The following RANBP17 variants were observed in gnomAD, a reference collection of about 807,000 sequenced individuals.
RANBP17 encodes RAN binding protein 17.
A neutral mutation model predicts 141.2 loss-of-function variants in RANBP17; 158 were observed. That is an observed-to-expected ratio of 1.12 (90% CI 0.98 to 1.28). The LOEUF (loss-of-function observed/expected upper bound fraction) is 1.28, where lower values mean the gene tolerates loss of function less well. RANBP17 is among the 50% of genes most tolerant of loss of function. The pLI is 0.00. For synonymous variants in RANBP17, 430 were observed against 450.0 expected (o/e 0.96, Z 0.56); for missense variants, 1,438 against 1,290.7 (o/e 1.11, Z -1.75).
chr5:171,222,269 G>A (rs75297120), intron 22 of RANBP17, among the ~76,000 whole-genome samples: 64 of 152,282 alleles, frequency 4.2e-4, no homozygotes, highest in African/African-American at 1.4e-3. Flanking sequence ...TGGGTACTGC[G>A]CCTCTAGAAG....
rs1446148940 is a variant in RANBP17, at chr5:171,111,584, A to G, written c.1711-58546A>G. ...CCATTTCTTTCAAAGTGAAACCCAGACCTCCAAGACCTAGCCCAAAACAGG... is the reference window on the plus strand; with the variant it reads ...CCATTTCTTTCAAAGTGAAACCCAGGCCTCCAAGACCTAGCCCAAAACAGG... On this transcript the variant is annotated intron_variant, in intron 14 of 27. Coordinates refer to ENST00000523189, the MANE Select transcript of RANBP17 (RefSeq NM_022897.5). Among the ~76,000 whole-genome samples, 3 of 151,902 alleles carry G rather than the reference A, an allele frequency of 2.0e-5. No individual in the cohort carries two copies. In the East Asian group the frequency reaches 5.8e-4, roughly 29 times the overall value.
chr5:171,042,115 T>C (rs1472899801), intron 14 of RANBP17, among the ~76,000 whole-genome samples: 1 of 152,156 alleles, frequency 6.6e-6, no homozygotes, highest in Admixed American at 6.6e-5. Context: ...GATATATATG[T>C]ACCACATTTT....
At chr5:171,050,939 ATG>A (rs1423694130) in intron 14 of RANBP17, among the ~76,000 whole-genome samples, 1 of 152,184 alleles carries the variant, frequency 6.6e-6, no homozygotes, top group Non-Finnish European at 1.5e-5. Flanking sequence ...GAATTAGAGA[ATG>A]TAATTCTGTA....
intron 14 of RANBP17, among the ~76,000 whole-genome samples, chr5:171,156,887 T>A (rs952476772): frequency 6.6e-6 from 1 of 152,166 alleles, no homozygotes; most frequent in African/African-American, 2.4e-5. Context: ...AGTCTTTTTT[T>A]CTCCGGGGCA....
At chr5:171,274,406 TTATC>T (rs1767367942) in intron 25 of RANBP17, among the ~76,000 whole-genome samples, 1 of 152,182 alleles carries the variant, frequency 6.6e-6, no homozygotes. Context: ...ATGAAAGTAC[TTATC>T]TATCTTTTCA....
intron 14 of RANBP17, among the ~76,000 whole-genome samples, chr5:171,053,212 A>C (rs1443221122): frequency 1.3e-5 from 2 of 151,692 alleles, no homozygotes; most frequent in African/African-American, 4.8e-5. Flanking sequence ...TTTTTTCTCA[A>C]CTTTTATTTT....
At chr5:171,212,075 C>A (rs1762929050) in intron 20 of RANBP17, among the ~76,000 whole-genome samples, 1 of 152,132 alleles carries the variant, frequency 6.6e-6, no homozygotes, top group Admixed American at 6.5e-5. Context: ...CGGGTTCCAC[C>A]ACCATACACA....
At chr5:171,254,994 A>C (rs1166755448) in intron 24 of RANBP17, among the ~76,000 whole-genome samples, 1 of 152,206 alleles carries the variant, frequency 6.6e-6, no homozygotes, top group African/African-American at 2.4e-5. Flanking sequence ...AGGGTCACTT[A>C]GGTAATTGGG....
intron 25 of RANBP17, among the ~76,000 whole-genome samples, chr5:171,274,164 G>GCA (rs1767350484): frequency 2.8e-5 from 4 of 140,852 alleles, no homozygotes; most frequent in East Asian, 2.1e-4. Context: ...GCGCGCGCGC[G>GCA]TGCGCAAAAT....
At chr5:171,183,650 T>G (rs1012300908) in intron 18 of RANBP17, among the ~76,000 whole-genome samples, 4 of 152,248 alleles carry the variant, frequency 2.6e-5, no homozygotes, top group Admixed American at 2.6e-4. Context: ...ACATAACACT[T>G]GCACTGATTT....
At chr5:171,149,568 G>T (rs147746545) in intron 14 of RANBP17, among the ~76,000 whole-genome samples, 125 of 152,284 alleles carry the variant, frequency 8.2e-4, no homozygotes, top group African/African-American at 2.3e-3. Flanking sequence ...GTAAAGACAC[G>T]CTATGATTGC....
chr5:170,903,764 C>T (rs769242982), intron 5 of RANBP17: 60 of 337,198 alleles, frequency 1.8e-4, no homozygotes, highest in Non-Finnish European at 3.2e-4. Context: ...CAACTGTAGA[C>T]GACTTCAAGT....
intron 21 of RANBP17, among the ~76,000 whole-genome samples, chr5:171,219,959 G>A (rs900131501): frequency 6.6e-6 from 1 of 151,994 alleles, no homozygotes; most frequent in South Asian, 2.1e-4. Context: ...TGATCATTTG[G>A]AGGAGAAGAG....
At chr5:170,888,830 G>A (rs1769369928) in intron 3 of RANBP17, among the ~76,000 whole-genome samples, 2 of 152,046 alleles carry the variant, frequency 1.3e-5, no homozygotes, top group Admixed American at 1.3e-4. Context: ...TTAGCTGTAG[G>A]TTTTTTGTAG....
At chr5:171,015,118 G>A (rs1417611715) in intron 14 of RANBP17, among the ~76,000 whole-genome samples, 1 of 152,014 alleles carries the variant, frequency 6.6e-6, no homozygotes. Flanking sequence ...TAAGCAATTT[G>A]ATTATTGTGT....
chr5:171,257,671 A>G (rs989710442), intron 24 of RANBP17, among the ~76,000 whole-genome samples: 1 of 152,240 alleles, frequency 6.6e-6, no homozygotes, highest in African/African-American at 2.4e-5. Context: ...AAAAATTTCA[A>G]AAAACTGAGA....
intron 14 of RANBP17, among the ~76,000 whole-genome samples, chr5:171,095,093 A>G (rs1020627153): frequency 6.6e-6 from 1 of 152,158 alleles, no homozygotes; most frequent in Non-Finnish European, 1.5e-5. Context: ...CAGCCTCCAG[A>G]ACTGTGAGCC....
intron 14 of RANBP17, among the ~76,000 whole-genome samples, chr5:171,094,350 G>A (rs1786523844): frequency 6.6e-6 from 1 of 151,950 alleles, no homozygotes; most frequent in African/African-American, 2.4e-5. Context: ...GTAAAAATAA[G>A]GCCAATACTA....
At chr5:171,269,551 C>G (rs1766964752) in intron 25 of RANBP17, among the ~76,000 whole-genome samples, 1 of 152,136 alleles carries the variant, frequency 6.6e-6, no homozygotes, top group Admixed American at 6.5e-5. Flanking sequence ...TCCCATTGAT[C>G]ATCTGTTTAC....
Sources: gnomAD v4.1 joint callset for allele counts (sites outside exome capture counted in the v4.1 genomes callset) on GRCh38, gnomAD v4.1.1 for gene constraint, MANE v1.5 for transcripts, NCBI Gene and HGNC (gene_info 2026-07-23, HGNC 2026-07-21) for gene names.